NUB1: variants seen among roughly 807,000 people sequenced by gnomAD.
NUB1 encodes negative regulator of ubiquitin like proteins 1, also known as NEDD8 ultimate buster 1.
Under a neutral mutation model 77.1 loss-of-function variants are expected in NUB1, and 41 were observed. That is an observed-to-expected ratio of 0.53 (90% confidence interval 0.41 to 0.69). NUB1 has a LOEUF of 0.69. Among genes scored for constraint, NUB1 ranks in the 30% least tolerant of loss-of-function variants. The pLI is 0.00. For missense variants in NUB1, 643 were observed against 743.8 expected (o/e 0.86, Z 1.58); for synonymous variants, 257 against 281.0 (o/e 0.91, Z 0.85).
chr7:151,374,342 A>G (rs1480598061), intron 12 of NUB1, 99 bp downstream of exon 12: 20 of 1,412,544 alleles, frequency 1.4e-5, no homozygotes, highest in East Asian at 2.5e-5. Context: ...GCTCACTCCT[A>G]TGGGCTGCCC....
intron 11 of NUB1, among the ~76,000 whole-genome samples, chr7:151,372,485 C>T (rs529644221): frequency 2.0e-5 from 3 of 152,254 alleles, no homozygotes; most frequent in East Asian, 1.9e-4. Context: ...GCTTCTTAGC[C>T]TTTTGGAATA....
intron 11 of NUB1, among the ~76,000 whole-genome samples, chr7:151,372,748 G>A (rs1338723143): frequency 6.6e-6 from 1 of 152,138 alleles, no homozygotes; most frequent in African/African-American, 2.4e-5. Context: ...GGGCTTTCAG[G>A]TAGGTGACTG....
Position 151,378,030 on chromosome 7 carries a change from G to T in NUB1, c.*805G>T, listed in dbSNP as rs1349902588. ...ACTGCTAGCTAAGAGACCTATCAGA[G>T]ATTTAGATATATTTTCTCCAGGTTT... is the stretch of plus-strand genomic sequence containing the variant. On this transcript the variant is annotated 3_prime_UTR_variant, in exon 15 of 15. Coordinates refer to ENST00000568733, the MANE Select transcript of NUB1 (RefSeq NM_001243351.2). 3 of 152,226 alleles carry T rather than the reference G, an allele frequency of 2.0e-5. No homozygotes were observed. The East Asian group carries it at 5.8e-4, about 29-fold the overall frequency. 9.4% of individuals were successfully genotyped at this position (152,226 alleles called of 1,614,324 possible).
In NUB1 at chr7:151,374,558, G is replaced by A. The variant is rs75351392; in HGVS notation, c.1395+315G>A. On this transcript the variant is annotated intron_variant, in intron 12 of 14. Transcript: ENST00000568733. ...GTTTAGTGAAACAGGCAGTTTCCAC[G>A]GCAGAAAAAAGAGAATGGGAATTCA... 8.6e-4 allele frequency: 368 copies of A among 426,984 alleles called. 2 individuals carry two copies. In the East Asian group the frequency reaches 0.011, roughly 13 times the overall value. The allele number at this position is 426,984 out of a possible 1,614,324, so 26.4% of individuals were successfully genotyped here.
intron 7 of NUB1, among the ~76,000 whole-genome samples, chr7:151,358,399 GT>G (rs1356386935): frequency 1.3e-5 from 2 of 152,222 alleles, no homozygotes; most frequent in African/African-American, 4.8e-5. Context: ...ATGGGTACCA[GT>G]CCGTGGCTTG....
Position 151,369,094 on chromosome 7 carries a change from G to A in NUB1, c.1248+207G>A, listed in dbSNP as rs547604539. On this transcript the variant is annotated intron_variant, in intron 11 of 14. Transcript: ENST00000568733. ...ACGATCTTGGCTCACTGCAAGCTCC[G>A]CCTCCCGGGTTCAAGCAATTCTCGT... 4.0e-5 allele frequency: 17 copies of A among 426,658 alleles called. No homozygotes were observed. The South Asian group carries it at 6.0e-4, about 15-fold the overall frequency. The allele number at this position is 426,658 out of a possible 1,614,324, so 26.4% of individuals were successfully genotyped here. A position where few individuals can be genotyped will look rare whatever the true frequency, so the allele number is the denominator to read the frequency against.
At chr7:151,354,234 T>C (rs1449560360) in intron 5 of NUB1, among the ~76,000 whole-genome samples, 1 of 152,114 alleles carries the variant, frequency 6.6e-6, no homozygotes, top group African/African-American at 2.4e-5. Flanking sequence ...TGTTCCTATA[T>C]TTTCTGTTCT....
In NUB1 at chr7:151,352,898, T is replaced by A. The variant is rs375598737; in HGVS notation, c.415+16T>A. 3.7e-6 allele frequency: 5 copies of A among 1,349,598 alleles called. No individual in the cohort carries two copies. Among genetic ancestry groups the A allele is most frequent in the Non-Finnish European group, 5.1e-6 (5 of 973,510 alleles). The allele number at this position is 1,349,598 out of a possible 1,614,324, so 83.6% of individuals were successfully genotyped here. ...CTACAACTAGGTATGTATGGCAAAGTATGCATAATTTTTTAATGAACCAAA... is the reference window on the plus strand; with the variant it reads ...CTACAACTAGGTATGTATGGCAAAGAATGCATAATTTTTTAATGAACCAAA... On this transcript the variant is annotated intron_variant, in intron 5 of 14. Transcript: ENST00000568733.
At chr7:151,356,739 C>A (rs879065512) in intron 7 of NUB1, among the ~76,000 whole-genome samples, 1 of 152,030 alleles carries the variant, frequency 6.6e-6, no homozygotes, top group Admixed American at 6.6e-5. Flanking sequence ...GTTTTTGAGA[C>A]GGAGTTTTGC....
chr7:151,356,173 T>C lies in NUB1; in HGVS notation c.644T>C (p.Ile215Thr). ...VDPEMTPYLD[I>T]ANQTGRSIRI... ...CCAGAAATGACACCGTACTTAGACA[T>C]AGCTAACCAGACAGGCAGATCAATC... The change falls in exon 7 of 15, where the codon ATA becomes ACA. Residue 215 changes from isoleucine to threonine, a missense_variant. Physicochemically the swap from Ile to Thr is moderately conservative, Grantham distance 89. Coordinates refer to ENST00000568733, the MANE Select transcript of NUB1 (RefSeq NM_001243351.2). The C allele has an allele frequency of 6.2e-7, 1 of 1,613,926 alleles. No homozygotes were observed. The highest frequency in any genetic ancestry group is 8.5e-7 in the Non-Finnish European group (1 of 1,179,828).
chr7:151,376,269 G>C lies in NUB1; in HGVS notation c.1491+326G>C, dbSNP rs184020517. On this transcript the variant is annotated intron_variant, in intron 13 of 14. Transcript: ENST00000568733. ...CACTGTGACCTGGGAAACCCATCCA[G>C]CTTTGTATCCCAAGTGACGGCTCTG... The C allele has an allele frequency of 1.3e-3, 624 of 467,056 alleles. 1 individual carries two copies. Among genetic ancestry groups the C allele is most frequent in the Middle Eastern group, 6.5e-3 (11 of 1,680 alleles). 28.9% of individuals were successfully genotyped at this position (467,056 alleles called of 1,614,324 possible). A position where few individuals can be genotyped will look rare whatever the true frequency, so the allele number is the denominator to read the frequency against.
At chr7:151,347,604 C>A (rs1796562777) in intron 2 of NUB1, among the ~76,000 whole-genome samples, 1 of 152,126 alleles carries the variant, frequency 6.6e-6, no homozygotes, top group African/African-American at 2.4e-5. Flanking sequence ...ACTACAGGTG[C>A]ATGCCACCAT....
intron 12 of NUB1, chr7:151,374,456 C>A: frequency 1.6e-6 from 1 of 643,490 alleles, no homozygotes; most frequent in African/African-American, 1.8e-5. Context: ...CCAGGCCTGG[C>A]TCCAAAACGT....
intron 3 of NUB1, 110 bp downstream of exon 3, chr7:151,349,350 T>A: frequency 1.1e-6 from 1 of 894,556 alleles, no homozygotes; most frequent in Non-Finnish European, 1.7e-6. Context: ...TTCTTTTAAG[T>A]GACTTTACAT....
chr7:151,348,569 C>CTTTTTTTTTTTTTTTT (rs59781719), intron 2 of NUB1, among the ~76,000 whole-genome samples: 3 of 69,924 alleles, frequency 4.3e-5, no homozygotes, highest in Admixed American at 2.2e-4. Flanking sequence ...TTGCTTTTTG[C>CTTTTTTTTTTTTTTTT]TTTTTTTTTT....
At chr7:151,364,871 A>G (rs1358633337) in intron 8 of NUB1, among the ~76,000 whole-genome samples, 18 of 152,182 alleles carry the variant, frequency 1.2e-4, no homozygotes, top group Non-Finnish European at 1.5e-5. Flanking sequence ...TAAATATTTT[A>G]CGTTTATTTT....
intron 7 of NUB1, among the ~76,000 whole-genome samples, chr7:151,359,604 C>T (rs555947681): frequency 6.8e-6 from 1 of 147,326 alleles, no homozygotes; most frequent in Non-Finnish European, 1.5e-5. Context: ...ATGGTGAAAC[C>T]CCATCTCTAC....
rs370571275 is a variant in NUB1 at position 151,368,893 on chromosome 7, C to T, written c.1248+6C>T. 2 of 1,610,340 alleles carry T rather than the reference C, an allele frequency of 1.2e-6. No individual in the cohort carries two copies. The highest frequency in any genetic ancestry group is 2.2e-5 in the East Asian group (1 of 44,792). ...ATATTACCAACCGCAGAGAGGTACC[C>T]ACTTTCACATGCCCTAGCTCTCTTG... On this transcript the variant is annotated splice_donor_region_variant and intron_variant, in intron 11 of 14. Coordinates refer to ENST00000568733, the MANE Select transcript of NUB1 (RefSeq NM_001243351.2).
intron 1 of NUB1, among the ~76,000 whole-genome samples, chr7:151,345,034 T>C (rs1165115525): frequency 1.3e-5 from 2 of 152,190 alleles, no homozygotes; most frequent in Non-Finnish European, 2.9e-5. Context: ...ACTCGAGGGA[T>C]TTATCTTTCT....
Sources: gnomAD v4.1 joint callset for allele counts (sites outside exome capture counted in the v4.1 genomes callset) on GRCh38, gnomAD v4.1.1 for gene constraint, MANE v1.5 for transcripts, NCBI Gene and HGNC (gene_info 2026-07-23, HGNC 2026-07-21) for gene names.